Variants in CDH9 observed in about 807,000 individuals in gnomAD.
CDH9 encodes cadherin-9.
A neutral mutation model predicts 70.9 loss-of-function variants in CDH9; 28 were observed. The ratio of observed to expected loss-of-function variants is 0.40; its 90% CI spans 0.29 to 0.54. The LOEUF is 0.54. CDH9 is among the 20% of genes least tolerant of loss of function. The pLI, the probability that CDH9 is intolerant of heterozygous loss-of-function variation, is 0.59. For synonymous variants in CDH9, 409 were observed against 343.1 expected (o/e 1.19, Z -2.12); for missense variants, 874 against 984.4 (o/e 0.89, Z 1.50).
intron 1 of CDH9, among the ~76,000 whole-genome samples, chr5:27,007,404 C>CTAT (rs573621069): frequency 2.0e-5 from 3 of 151,818 alleles, no homozygotes; most frequent in Non-Finnish European, 4.4e-5. Context: ...AATTAAACAG[C>CTAT]TATATAAGGG....
chr5:26,892,247 T>A (rs377031688), intron 7 of CDH9, among the ~76,000 whole-genome samples: 1 of 152,238 alleles, frequency 6.6e-6, no homozygotes, highest in Non-Finnish European at 1.5e-5. Context: ...GTGAGATTTC[T>A]GTTGCAGTCT....
chr5:26,949,054 T>C (rs573880405), intron 2 of CDH9, among the ~76,000 whole-genome samples: 1 of 152,322 alleles, frequency 6.6e-6, no homozygotes, highest in South Asian at 2.1e-4. Flanking sequence ...GTCTTATACC[T>C]AGTACTGATG....
intron 11 of CDH9, among the ~76,000 whole-genome samples, chr5:26,883,431 G>A (rs1010591286): frequency 2.0e-5 from 3 of 151,640 alleles, no homozygotes; most frequent in East Asian, 2.0e-4. Flanking sequence ...TCTGGGGCAC[G>A]TGAACAGAAT....
At chr5:27,012,054 G>C (rs895224259) in intron 1 of CDH9, among the ~76,000 whole-genome samples, 3 of 151,726 alleles carry the variant, frequency 2.0e-5, no homozygotes, top group Non-Finnish European at 4.4e-5. Context: ...ATACAATCTT[G>C]CCTCAATATC....
At chr5:26,952,053 T>G (rs1741855387) in intron 2 of CDH9, among the ~76,000 whole-genome samples, 1 of 144,582 alleles carries the variant, frequency 6.9e-6, no homozygotes, top group South Asian at 2.1e-4. Context: ...CGATGTTGGC[T>G]CACTGCAACC....
At chr5:26,915,079 T>G (rs2112004542) in intron 3 of CDH9, among the ~76,000 whole-genome samples, 1 of 152,122 alleles carries the variant, frequency 6.6e-6, no homozygotes, top group East Asian at 1.9e-4. Context: ...ATAAAGAGAC[T>G]TGCAATCTTG....
intron 1 of CDH9, among the ~76,000 whole-genome samples, chr5:27,004,130 AG>A (rs1194818143): frequency 6.8e-6 from 1 of 146,726 alleles, no homozygotes; most frequent in African/African-American, 2.6e-5. Context: ...AAAAAAAAAA[AG>A]AGGGCCTCTC....
At position 27,021,810 on chromosome 5, in the gene CDH9, TTTAA is replaced by T. The variant is rs1170939045; in HGVS notation, c.-50+16649_-50+16652del. Reference sequence around the variant, plus strand: ...AAACTGCATTTTACAACAGGATTAATTTAATTAGTGAATAGATTAATTTCCTTCT... The same window carrying T: ...AAACTGCATTTTACAACAGGATTAATTTAGTGAATAGATTAATTTCCTTCT... On this transcript the variant is annotated intron_variant, in intron 1 of 11. Coordinates refer to ENST00000231021, the MANE Select transcript of CDH9 (RefSeq NM_016279.4). 2.0e-5 allele frequency among the ~76,000 whole-genome samples: 3 copies of T among 151,962 alleles called. No homozygotes were observed. The East Asian group carries it at 5.8e-4, about 29-fold the overall frequency.
chr5:26,928,477 A>T lies in CDH9; in HGVS notation c.229-12553T>A, dbSNP rs114098191. Among the ~76,000 whole-genome samples the T allele has an allele frequency of 4.4e-3, 677 of 152,230 alleles. 4 individuals carry two copies. Among genetic ancestry groups the T allele is most frequent in the African/African-American group, 0.016 (651 of 41,564 alleles). On this transcript the variant is annotated intron_variant, in intron 2 of 11. Transcript: ENST00000231021. ...TGTAAATACCAGTGACATTCTTCTTAAGAATAGAAAAAGAATCTTAAAATT... is the reference window on the plus strand; with the variant it reads ...TGTAAATACCAGTGACATTCTTCTTTAGAATAGAAAAAGAATCTTAAAATT...
At chr5:27,023,780 G>C (rs1743178080) in intron 1 of CDH9, among the ~76,000 whole-genome samples, 1 of 152,008 alleles carries the variant, frequency 6.6e-6, no homozygotes, top group African/African-American at 2.4e-5. Flanking sequence ...GGCCAGGCAT[G>C]GTGGCTCAAG....
At chr5:26,942,807 T>A (rs1741686312) in intron 2 of CDH9, among the ~76,000 whole-genome samples, 1 of 152,142 alleles carries the variant, frequency 6.6e-6, no homozygotes, top group Non-Finnish European at 1.5e-5. Flanking sequence ...CTTTGGAAAC[T>A]TTTGCAAAGT....
At chr5:26,973,680 C>T (rs924032993) in intron 2 of CDH9, among the ~76,000 whole-genome samples, 5 of 151,862 alleles carry the variant, frequency 3.3e-5, no homozygotes, top group Non-Finnish European at 7.4e-5. Flanking sequence ...TTAGGGAGCC[C>T]GTGTTAATAA....
At chr5:27,028,788 GCCAAAAA>G (rs1743263370) in intron 1 of CDH9, among the ~76,000 whole-genome samples, 1 of 151,904 alleles carries the variant, frequency 6.6e-6, no homozygotes, top group African/African-American at 2.4e-5. Flanking sequence ...AAAACCAATT[GCCAAAAA>G]CCAAAAACTT....
chr5:26,908,653 G>A (rs903376725), intron 3 of CDH9, among the ~76,000 whole-genome samples: 8 of 151,940 alleles, frequency 5.3e-5, no homozygotes, highest in Admixed American at 4.6e-4. Context: ...TCTATTAGTC[G>A]GTAGATGATC....
chr5:27,029,847 C>T (rs978565031), intron 1 of CDH9, among the ~76,000 whole-genome samples: 1 of 151,912 alleles, frequency 6.6e-6, no homozygotes, highest in African/African-American at 2.4e-5. Context: ...GCTTCCTACA[C>T]CTACAAATTA....
chr5:26,920,208 G>A (rs1406918462), intron 2 of CDH9, among the ~76,000 whole-genome samples: 1 of 151,888 alleles, frequency 6.6e-6, no homozygotes, highest in Non-Finnish European at 1.5e-5. Flanking sequence ...GGCCTTGAGT[G>A]AACATTGGCG....
intron 3 of CDH9, among the ~76,000 whole-genome samples, chr5:26,913,469 G>A (rs1741089636): frequency 6.6e-6 from 1 of 151,984 alleles, no homozygotes; most frequent in Non-Finnish European, 1.5e-5. Context: ...TGCAGCCAGA[G>A]CCATACATCT....
intron 1 of CDH9, among the ~76,000 whole-genome samples, chr5:26,990,002 C>T (rs1394808217): frequency 6.6e-6 from 1 of 152,062 alleles, no homozygotes; most frequent in Non-Finnish European, 1.5e-5. Flanking sequence ...AGTAACATGA[C>T]AAAAGTCATG....
At chr5:27,021,140 T>C (rs1218904384) in intron 1 of CDH9, among the ~76,000 whole-genome samples, 1 of 151,928 alleles carries the variant, frequency 6.6e-6, no homozygotes, top group South Asian at 2.1e-4. Flanking sequence ...GGGGAGTCTC[T>C]CCTATTTTCA....
Sources: allele counts gnomAD v4.1 joint callset (sites outside exome capture counted in the v4.1 genomes callset), GRCh38; gene constraint gnomAD v4.1.1; transcripts MANE v1.5; gene names NCBI Gene and HGNC (gene_info 2026-07-23, HGNC 2026-07-21).